ZNF385D: variants seen among roughly 807,000 people sequenced by gnomAD.
The protein encoded by ZNF385D is zinc finger protein 659.
A neutral mutation model predicts 35.8 loss-of-function variants in ZNF385D; 15 were observed. That is an observed-to-expected ratio of 0.42 (90% CI 0.28 to 0.64). The LOEUF is 0.64. Among genes scored for constraint, ZNF385D ranks in the 30% least tolerant of loss-of-function variants. The probability of loss-of-function intolerance (pLI) is 0.23; values close to 1 mark genes in which losing one functional copy is unlikely to be tolerated. For missense variants in ZNF385D, 474 were observed against 494.6 expected (o/e 0.96, Z 0.39); for synonymous variants, 212 against 186.8 (o/e 1.13, Z -1.10).
rs138850126 is a variant in ZNF385D at position 21,939,250 on chromosome 3, C to T, written c.325+229567G>A. Among the ~76,000 whole-genome samples, 253 of 152,272 alleles carry T rather than the reference C, an allele frequency of 1.7e-3. 1 individual carries two copies. The highest frequency in any genetic ancestry group is 5.9e-3 in the African/African-American group (247 of 41,546). On this transcript the variant is annotated intron_variant, in intron 3 of 5. Transcript: ENST00000494108. ...GGCTTCTACCCCGTGCCTACTTTGG[C>T]TCTAAATCAGGGGTTTAATATGAAC... is the stretch of plus-strand genomic sequence containing the variant.
chr3:21,972,915 A>T (rs959495897), intron 3 of ZNF385D, among the ~76,000 whole-genome samples: 1 of 152,020 alleles, frequency 6.6e-6, no homozygotes, highest in Non-Finnish European at 1.5e-5. Context: ...AATGTGATCG[A>T]AGCCATAATA....
chr3:21,565,579 A>G (rs965959985), intron 2 of ZNF385D, among the ~76,000 whole-genome samples: 3 of 152,026 alleles, frequency 2.0e-5, no homozygotes, highest in Non-Finnish European at 2.9e-5. Context: ...TTCTTTCACT[A>G]TCCTTGTCTA....
intron 2 of ZNF385D, among the ~76,000 whole-genome samples, chr3:21,623,083 T>G (rs535483733): frequency 6.6e-6 from 1 of 152,080 alleles, no homozygotes; most frequent in Non-Finnish European, 1.5e-5. Context: ...CTGCCCTCAT[T>G]TATCTTAGAG....
At chr3:21,508,856 C>G (rs576362582) in intron 4 of ZNF385D, among the ~76,000 whole-genome samples, 3 of 152,234 alleles carry the variant, frequency 2.0e-5, no homozygotes, top group African/African-American at 7.2e-5. Context: ...TCTCTTTAAA[C>G]TAGATTCTGA....
At chr3:21,868,452 C>T (rs1335011051) in intron 3 of ZNF385D, among the ~76,000 whole-genome samples, 1 of 152,082 alleles carries the variant, frequency 6.6e-6, no homozygotes, top group African/African-American at 2.4e-5. Flanking sequence ...TTTAACATTC[C>T]CCTTTCCACT....
chr3:21,896,755 T>A (rs1197195756), intron 3 of ZNF385D, among the ~76,000 whole-genome samples: 1 of 152,024 alleles, frequency 6.6e-6, no homozygotes, highest in East Asian at 1.9e-4. Context: ...TGATATGATA[T>A]CAGAAAATGT....
chr3:21,473,211 T>A (rs1433311439), intron 4 of ZNF385D, among the ~76,000 whole-genome samples: 4 of 152,076 alleles, frequency 2.6e-5, no homozygotes, highest in African/African-American at 9.7e-5. Flanking sequence ...TCTAGTATGA[T>A]TTGGCTCCTG....
At chr3:22,192,516 G>C (rs545051155) in intron 2 of ZNF385D, among the ~76,000 whole-genome samples, 1 of 152,214 alleles carries the variant, frequency 6.6e-6, no homozygotes, top group South Asian at 2.1e-4. Flanking sequence ...TACACTGTTT[G>C]TCTTAGATCA....
intron 2 of ZNF385D, among the ~76,000 whole-genome samples, chr3:22,309,677 A>G (rs1042844693): frequency 1.3e-5 from 2 of 152,012 alleles, no homozygotes; most frequent in Admixed American, 6.6e-5. Context: ...AATTAAGCTG[A>G]CCAAACTCAC....
At chr3:22,109,225 T>C (rs1191465457) in intron 3 of ZNF385D, among the ~76,000 whole-genome samples, 1 of 152,132 alleles carries the variant, frequency 6.6e-6, no homozygotes, top group African/African-American at 2.4e-5. Flanking sequence ...AATGACTCAG[T>C]CAGAGGTCCA....
At chr3:22,044,048 A>G (rs1008441218) in intron 3 of ZNF385D, among the ~76,000 whole-genome samples, 1 of 152,016 alleles carries the variant, frequency 6.6e-6, no homozygotes, top group Admixed American at 6.6e-5. Context: ...TTAAAGAGGA[A>G]CAAAGAAACA....
At chr3:21,516,284 T>C (rs769024432) in intron 3 of ZNF385D, among the ~76,000 whole-genome samples, 10 of 152,234 alleles carry the variant, frequency 6.6e-5, no homozygotes, top group African/African-American at 9.6e-5. Flanking sequence ...ACTGGTTTTC[T>C]GTGTGCAGTG....
intron 3 of ZNF385D, among the ~76,000 whole-genome samples, chr3:21,545,425 A>G (rs1406739186): frequency 6.6e-6 from 1 of 152,190 alleles, no homozygotes; most frequent in Non-Finnish European, 1.5e-5. Context: ...AATATTGCTG[A>G]TCTATGTTCT....
intron 3 of ZNF385D, among the ~76,000 whole-genome samples, chr3:21,537,380 G>A (rs577224792): frequency 1.1e-3 from 160 of 151,736 alleles, no homozygotes; most frequent in African/African-American, 3.6e-3. Context: ...TGATTCACCT[G>A]CCTCGGGTTA....
intron 3 of ZNF385D, among the ~76,000 whole-genome samples, chr3:22,119,766 G>C (rs6792670): frequency 0.023 from 3,541 of 152,192 alleles, 149 homozygotes; most frequent in African/African-American, 0.081. Context: ...TTTCTCTGCT[G>C]AACTGTTTTA....
chr3:21,866,696 C>T (rs1697384369), intron 3 of ZNF385D, among the ~76,000 whole-genome samples: 2 of 152,180 alleles, frequency 1.3e-5, no homozygotes, highest in Admixed American at 6.5e-5. Context: ...TATAGAGTAA[C>T]TTGTTTTGGC....
chr3:22,352,116 C>CCA (rs2125498209), intron 2 of ZNF385D, among the ~76,000 whole-genome samples: 1 of 152,226 alleles, frequency 6.6e-6, no homozygotes, highest in Non-Finnish European at 1.5e-5. Flanking sequence ...AGACTTTCTT[C>CCA]CACCCTGCAA....
At chr3:21,475,682 C>T (rs1382478786) in intron 4 of ZNF385D, among the ~76,000 whole-genome samples, 1 of 152,024 alleles carries the variant, frequency 6.6e-6, no homozygotes, top group African/African-American at 2.4e-5. Context: ...TAAAGGCACA[C>T]ATGTTTAAAA....
At chr3:21,741,054 C>T (rs2069489677) in intron 1 of ZNF385D, among the ~76,000 whole-genome samples, 1 of 144,516 alleles carries the variant, frequency 6.9e-6, no homozygotes, top group Non-Finnish European at 1.6e-5. Context: ...CAGTGCCTGG[C>T]ACAGCAGGCA....
Sources: gnomAD v4.1 joint callset for allele counts (sites outside exome capture counted in the v4.1 genomes callset) on GRCh38, gnomAD v4.1.1 for gene constraint, MANE v1.5 for transcripts, NCBI Gene and HGNC (gene_info 2026-07-23, HGNC 2026-07-21) for gene names.